The following SOCS7 variants were observed in gnomAD, a reference collection of about 807,000 sequenced individuals.
SOCS7 encodes the protein suppressor of cytokine signaling 7.
Under a neutral mutation model 58.9 loss-of-function variants are expected in SOCS7, and 18 were observed. The ratio of observed to expected loss-of-function variants is 0.31; its 90% confidence interval spans 0.21 to 0.45. SOCS7 has a LOEUF of 0.45. Among genes scored for constraint, SOCS7 ranks in the 20% least tolerant of loss-of-function variants. The probability of loss-of-function intolerance (pLI) is 1.00; values close to 1 mark genes in which losing one functional copy is unlikely to be tolerated. For missense variants in SOCS7, 667 were observed against 837.3 expected (o/e 0.80, Z 2.51); for synonymous variants, 388 against 364.3 (o/e 1.06, Z -0.74).
In SOCS7 at chr17:38,352,092, G is replaced by A; in HGVS notation, c.40G>A (p.Ala14Thr). Residue 14 changes from alanine (A) to threonine (T), a missense_variant, in exon 1 of 10, where the codon GCG becomes ACG. Ala to Thr is a moderately conservative substitution (Grantham distance 58). Coordinates refer to ENST00000612932, the MANE Select transcript of SOCS7 (RefSeq NM_014598.4). The surrounding 1 kb of genome is among the most constrained non-coding windows in gnomAD (Gnocchi z 5.5). ...AELRDGEAAA[A>T]AASYRVLSRL... The stretch of plus-strand genomic sequence containing the variant: ...GCTCCGGGATGGCGAGGCGGCGGCG[G>A]CGGCCGCTTCGTACCGCGTCCTGAG... The A allele has an allele frequency of 1.7e-6, 1 of 574,618 alleles. No homozygotes were observed. The highest frequency in any genetic ancestry group is 2.5e-6 in the Non-Finnish European group (1 of 398,528). 35.6% of individuals were successfully genotyped at this position (574,618 alleles called of 1,614,324 possible). A position where few individuals can be genotyped will look rare whatever the true frequency, so the allele number is the denominator to read the frequency against.
intron 7 of SOCS7, among the ~76,000 whole-genome samples, chr17:38,390,683 C>CT (rs753029439): frequency 1.5e-5 from 2 of 133,216 alleles, no homozygotes; most frequent in Non-Finnish European, 3.3e-5. Flanking sequence ...TTCCTTCCTT[C>CT]CTTCCTTCCT....
At chr17:38,377,519 T>C (rs917174242) in intron 6 of SOCS7, among the ~76,000 whole-genome samples, 195 bp from the exon 7 acceptor site, 1 of 152,188 alleles carries the variant, frequency 6.6e-6, no homozygotes. Flanking sequence ...ACCTAATTTA[T>C]GTCTTACAAA....
chr17:38,384,375 C>T (rs1382225061), intron 7 of SOCS7, among the ~76,000 whole-genome samples: 2 of 152,176 alleles, frequency 1.3e-5, no homozygotes, highest in African/African-American at 4.8e-5. Context: ...GCAATCATGC[C>T]TTGACCTCCC....
chr17:38,374,631 G>T (rs1052278905), intron 6 of SOCS7, among the ~76,000 whole-genome samples: 2 of 152,208 alleles, frequency 1.3e-5, no homozygotes, highest in Admixed American at 6.5e-5. Context: ...AATCATGAAA[G>T]AGATATGGCA....
chr17:38,380,939 G>T (rs1202996634), intron 7 of SOCS7, among the ~76,000 whole-genome samples: 1 of 152,274 alleles, frequency 6.6e-6, no homozygotes, highest in South Asian at 2.1e-4. Context: ...TGAGGCTGAA[G>T]CTCAAAAGTT....
chr17:38,369,630 T>C (rs928654728), intron 6 of SOCS7, among the ~76,000 whole-genome samples: 1 of 151,504 alleles, frequency 6.6e-6, no homozygotes, highest in African/African-American at 2.4e-5. Context: ...TCTTGATAGG[T>C]GAGATGCCAG....
chr17:38,366,147 T>C, intron 4 of SOCS7, 140 bp from the exon 5 acceptor site: 4 of 1,320,296 alleles, frequency 3.0e-6, no homozygotes, highest in Non-Finnish European at 4.1e-6. Context: ...TCTTTGCCAC[T>C]GCTTTGGCTT....
At chr17:38,354,130 G>C (rs1450653539) in intron 1 of SOCS7, among the ~76,000 whole-genome samples, 1 of 152,194 alleles carries the variant, frequency 6.6e-6, no homozygotes, top group East Asian at 1.9e-4. Flanking sequence ...TTACAAAGCT[G>C]TCAACTTTGG....
At chr17:38,366,238 T>C in intron 4 of SOCS7, 49 bp from the exon 5 acceptor site, 1 of 1,600,568 alleles carries the variant, frequency 6.2e-7, no homozygotes, top group South Asian at 1.1e-5. Context: ...CTATTTGTGG[T>C]TGGGAGCAGT....
chr17:38,388,919 T>C (rs999561912), intron 7 of SOCS7, among the ~76,000 whole-genome samples: 2 of 152,220 alleles, frequency 1.3e-5, no homozygotes, highest in Non-Finnish European at 2.9e-5. Flanking sequence ...TTGGCTATTA[T>C]GAAATAAATA....
chr17:38,362,424 C>T (rs1049929878), intron 2 of SOCS7, among the ~76,000 whole-genome samples: 1 of 152,196 alleles, frequency 6.6e-6, no homozygotes, highest in Non-Finnish European at 1.5e-5. Flanking sequence ...TCTGTTATGT[C>T]AGTCACAGGT....
chr17:38,355,556 CTT>C (rs2037626404), intron 1 of SOCS7, among the ~76,000 whole-genome samples: 1 of 152,148 alleles, frequency 6.6e-6, no homozygotes, highest in Admixed American at 6.5e-5. Flanking sequence ...AGCTTGTTCT[CTT>C]GTTTTGATTG....
chr17:38,366,317 C>G lies in SOCS7; in HGVS notation c.1283C>G (p.Ala428Gly). ...TTTCCCCGGATTGCTCCCATCCGAG[C>G]AGCTGAATCCCTGCACAGCCAACCC... ...DAFPRIAPIR[A>G]AESLHSQPPQ... is the part of the protein sequence containing the mutation. The change falls in exon 5 of 10, where the codon GCA (alanine) becomes GGA (glycine). Residue 428 changes from alanine to glycine, a missense_variant. Physicochemically the swap from Ala to Gly is moderately conservative, Grantham distance 60. This residue lies in a region of SOCS7 where 99 missense variants were observed against 122.9 expected (regional missense o/e 0.81). Transcript: ENST00000612932. 6.2e-7 allele frequency: 1 copy of G among 1,614,158 alleles called. No homozygotes were observed. The highest frequency in any genetic ancestry group is 8.5e-7 in the Non-Finnish European group (1 of 1,180,028).
In SOCS7 at chr17:38,388,494, G is replaced by A. The variant is rs139526668; in HGVS notation, c.1682-6815G>A. 8.7e-4 allele frequency among the ~76,000 whole-genome samples: 132 copies of A among 152,198 alleles called. 1 individual carries two copies. The highest frequency in any genetic ancestry group is 3.1e-3 in the African/African-American group (130 of 41,526). ...AGATCACACCACTGTACTTCATCCT[G>A]GGTGAAGACAGAACAAGACTGTGTC... On this transcript the variant is annotated intron_variant, in intron 7 of 9. Transcript: ENST00000612932.
intron 1 of SOCS7, among the ~76,000 whole-genome samples, chr17:38,359,998 G>A (rs2037694783): frequency 6.6e-6 from 1 of 151,572 alleles, no homozygotes; most frequent in African/African-American, 2.4e-5. Context: ...GGCTGGTCAC[G>A]AACTCCTGGG....
chr17:38,366,517 C>T (rs1482408550), intron 5 of SOCS7, 100 bp downstream of exon 5: 10 of 1,428,480 alleles, frequency 7.0e-6, no homozygotes, highest in South Asian at 6.3e-5. Context: ...TTTTTAGAGA[C>T]AGGGTCTGGC....
Position 38,352,124 on chromosome 17 carries a change from C to T in SOCS7, c.72C>T (p.Leu24=). ...AAASYRVLSR[L]LGYGEAAPEP... is the part of the protein sequence containing the mutation. ...CTTCGTACCGCGTCCTGAGCCGCCT[C>T]CTTGGCTATGGAGAGGCGGCCCCCG... The change falls in exon 1 of 10, where the codon CTC becomes CTT. Residue 24 remains leucine, a synonymous_variant. Transcript: ENST00000612932. This position sits in a 1 kb window ranked among gnomAD's most constrained non-coding sequence, Gnocchi z 5.5. The T allele has an allele frequency of 1.0e-6, 1 of 973,490 alleles. No individual in the cohort carries two copies. The highest frequency in any genetic ancestry group is 1.7e-5 in the African/African-American group (1 of 58,604). 60.3% of individuals were successfully genotyped at this position (973,490 alleles called of 1,614,324 possible). A position where few individuals can be genotyped will look rare whatever the true frequency, so the allele number is the denominator to read the frequency against.
intron 7 of SOCS7, among the ~76,000 whole-genome samples, chr17:38,379,989 T>C (rs192345767): frequency 4.0e-4 from 61 of 152,304 alleles, no homozygotes; most frequent in African/African-American, 1.3e-3. Flanking sequence ...GTATAAAGCA[T>C]GTGGTGGTAA....
intron 7 of SOCS7, among the ~76,000 whole-genome samples, chr17:38,390,640 TTTCCTTCCTTCC>T (rs60020052): frequency 0.037 from 4,227 of 114,384 alleles, 86 homozygotes; most frequent in Middle Eastern, 0.06. Flanking sequence ...TTTTGTTCGT[TTTCCTTCCTTCC>T]TTCCTTCCTT....
Sources: allele counts gnomAD v4.1 joint callset (sites outside exome capture counted in the v4.1 genomes callset), GRCh38; gene constraint gnomAD v4.1.1; regional missense constraint gnomAD v4.1.1; non-coding constraint Gnocchi (gnomAD v3.1); transcripts MANE v1.5; gene names NCBI Gene and HGNC (gene_info 2026-07-23, HGNC 2026-07-21).